The following QSOX2 variants were observed in gnomAD, a reference collection of about 807,000 sequenced individuals.
QSOX2 encodes quiescin sulfhydryl oxidase 2.
Under a neutral mutation model 61.7 loss-of-function variants are expected in QSOX2, and 46 were observed. That is an observed-to-expected ratio of 0.75 (90% CI 0.59 to 0.95). QSOX2 has a LOEUF of 0.95. Ranked by LOEUF, QSOX2 falls within the 40% of genes least tolerant of loss-of-function variation. The pLI is 0.00. For missense variants in QSOX2, 879 were observed against 918.9 expected (o/e 0.96, Z 0.56); for synonymous variants, 383 against 388.4 (o/e 0.99, Z 0.16).
At chr9:136,231,966 C>A (rs891284378) in intron 1 of QSOX2, among the ~76,000 whole-genome samples, 2 of 151,038 alleles carry the variant, frequency 1.3e-5, no homozygotes, top group Non-Finnish European at 2.9e-5. Context: ...GCTCTCCCAG[C>A]GAAGAGAAAC....
chr9:136,224,551 G>A (rs923958179), intron 3 of QSOX2, among the ~76,000 whole-genome samples: 19 of 152,234 alleles, frequency 1.2e-4, no homozygotes, highest in African/African-American at 4.3e-4. Context: ...GCTCGGCTGG[G>A]TGGGATCATT....
Position 136,209,578 on chromosome 9 carries a change from A to G in QSOX2, c.1550-303T>C. ...TCCCAGACCACACCTGTCCCAAACC[A>G]CCCAGCACTCCACTTCCAAAACGGA... On this transcript the variant is annotated intron_variant, in intron 11 of 11. Transcript: ENST00000358701. This position sits in a 1 kb window ranked among gnomAD's most constrained non-coding sequence, Gnocchi z 5.6. The G allele has an allele frequency of 7.1e-6, 7 of 985,070 alleles. No individual in the cohort carries two copies. The highest frequency in any genetic ancestry group is 8.4e-6 in the Non-Finnish European group (7 of 829,828). The allele number at this position is 985,070 out of a possible 1,614,324, so 61.0% of individuals were successfully genotyped here.
At chr9:136,245,375 G>A (rs1830463524) in intron 1 of QSOX2, 101 bp downstream of exon 1, 1 of 979,946 alleles carries the variant, frequency 1.0e-6, no homozygotes, top group African/African-American at 1.7e-5. Context: ...AAGAAATACG[G>A]GGGAGGGGCC....
At chr9:136,242,217 G>C (rs1409148180) in intron 1 of QSOX2, among the ~76,000 whole-genome samples, 3 of 152,246 alleles carry the variant, frequency 2.0e-5, no homozygotes, top group African/African-American at 4.8e-5. Flanking sequence ...TATTTTCCCA[G>C]CCTTGAAAAA....
intron 1 of QSOX2, among the ~76,000 whole-genome samples, chr9:136,232,903 G>C (rs1830343739): frequency 7.9e-6 from 1 of 126,766 alleles, no homozygotes; most frequent in Admixed American, 9.0e-5. Context: ...CCTGGGTAGA[G>C]TGAGAACCTG....
Position 136,207,395 on chromosome 9 carries a change from ACAC to A in QSOX2, c.*1330_*1332del. The A allele has an allele frequency of 6.6e-6, 1 of 152,006 alleles. No individual in the cohort carries two copies. Among genetic ancestry groups the A allele is most frequent in the Non-Finnish European group, 1.5e-5 (1 of 68,020 alleles). The allele number at this position is 152,006 out of a possible 1,614,324, so 9.4% of individuals were successfully genotyped here. On this transcript the variant is annotated 3_prime_UTR_variant, in exon 12 of 12. Coordinates refer to ENST00000358701, the MANE Select transcript of QSOX2 (RefSeq NM_181701.4). Reference sequence around the variant, plus strand: ...CACACACACACACACACACACACACACACACACGGGCACACAAATACATCTGAG... The same window carrying A: ...CACACACACACACACACACACACACAACACGGGCACACAAATACATCTGAG...
rs144714013 is a variant in QSOX2 at position 136,221,495 on chromosome 9, C to G, written c.821+301G>C. Among the ~76,000 whole-genome samples, 2,125 of 152,356 alleles carry G rather than the reference C, an allele frequency of 0.014. 17 individuals are homozygous for G. Among genetic ancestry groups the G allele is most frequent in the Admixed American group, 0.022 (338 of 15,310 alleles). On this transcript the variant is annotated intron_variant, in intron 6 of 11. Transcript: ENST00000358701. This position sits in a 1 kb window ranked among gnomAD's most constrained non-coding sequence, Gnocchi z 4.5. ...CATCGGCTGCTCCCAAAGCCCCGGCCCAGCAGCCCTCATGCATGTGCTGGT... is the reference window on the plus strand; with the variant it reads ...CATCGGCTGCTCCCAAAGCCCCGGCGCAGCAGCCCTCATGCATGTGCTGGT...
intron 8 of QSOX2, 142 bp downstream of exon 8, chr9:136,218,537 G>A (rs1831940615): frequency 2.0e-6 from 2 of 976,146 alleles, no homozygotes; most frequent in South Asian, 1.7e-5. Context: ...GAATGAGTTG[G>A]GGCGTGGGCC....
At chr9:136,214,011 T>C (rs1831880092) in intron 10 of QSOX2, among the ~76,000 whole-genome samples, 1 of 152,182 alleles carries the variant, frequency 6.6e-6, no homozygotes, top group Admixed American at 6.5e-5. Flanking sequence ...GGTTAGTTTG[T>C]TATGTGGCAA....
rs1196934754 is a variant in QSOX2 at position 136,207,341 on chromosome 9, C to T, written c.*1387G>A. The stretch of plus-strand genomic sequence containing the variant: ...GCAAAGCGGAAAAAATATCTACAAC[C>T]GTCAAAGTCTCTCTCTCTCTCATAC... On this transcript the variant is annotated 3_prime_UTR_variant, in exon 12 of 12. Coordinates refer to ENST00000358701, the MANE Select transcript of QSOX2 (RefSeq NM_181701.4). 7 of 146,178 alleles carry T rather than the reference C, an allele frequency of 4.8e-5. No individual in the cohort carries two copies. The highest frequency in any genetic ancestry group is 9.0e-5 in the Non-Finnish European group (6 of 67,016). 9.1% of individuals were successfully genotyped at this position (146,178 alleles called of 1,614,324 possible).
intron 7 of QSOX2, 41 bp downstream of exon 7, chr9:136,218,989 C>G (rs543636245): frequency 6.2e-7 from 1 of 1,610,024 alleles, no homozygotes; most frequent in Non-Finnish European, 8.5e-7. Flanking sequence ...TCGGTCTACA[C>G]GCACTGTCTC....
chr9:136,233,121 G>T (rs1305647077), intron 1 of QSOX2, among the ~76,000 whole-genome samples: 1 of 152,034 alleles, frequency 6.6e-6, no homozygotes, highest in East Asian at 1.9e-4. Flanking sequence ...GCTGCCGGGT[G>T]TATCAGCAGG....
intron 2 of QSOX2, among the ~76,000 whole-genome samples, chr9:136,226,440 G>C (rs1429701948): frequency 6.6e-6 from 1 of 152,186 alleles, no homozygotes; most frequent in Non-Finnish European, 1.5e-5. Context: ...GCTTCAGGCT[G>C]GGGTGCCAGC....
chr9:136,229,931 C>G (rs1830315404), intron 1 of QSOX2, among the ~76,000 whole-genome samples: 1 of 152,230 alleles, frequency 6.6e-6, no homozygotes, highest in Non-Finnish European at 1.5e-5. Flanking sequence ...CCCGGCACCT[C>G]AGGTGAAGGC....
chr9:136,225,945 A>G (rs1830276263), intron 2 of QSOX2, among the ~76,000 whole-genome samples: 1 of 152,370 alleles, frequency 6.6e-6, no homozygotes, highest in South Asian at 2.1e-4. Context: ...GCAGGCAAGC[A>G]AGTGTGCGAC....
intron 1 of QSOX2, among the ~76,000 whole-genome samples, chr9:136,241,818 G>A (rs1029481579): frequency 1.4e-4 from 21 of 152,238 alleles, no homozygotes; most frequent in African/African-American, 5.1e-4. Flanking sequence ...AGCCTGTTGT[G>A]GGTGGTGGCC....
At chr9:136,220,879 CT>C (rs966191376) in intron 6 of QSOX2, among the ~76,000 whole-genome samples, 7 of 151,818 alleles carry the variant, frequency 4.6e-5, no homozygotes, top group Non-Finnish European at 7.4e-5. Context: ...CCTGGCTAGT[CT>C]TTTTTTTAGT....
At chr9:136,216,524 T>C in intron 9 of QSOX2, 76 bp downstream of exon 9, 1 of 1,579,288 alleles carries the variant, frequency 6.3e-7, no homozygotes, top group South Asian at 1.1e-5. Flanking sequence ...AGCAGGGAGA[T>C]GCACCAGCTA....
chr9:136,226,514 T>A (rs548294705), intron 2 of QSOX2, among the ~76,000 whole-genome samples: 4 of 152,094 alleles, frequency 2.6e-5, no homozygotes, highest in Non-Finnish European at 5.9e-5. Flanking sequence ...TTTTCACGCA[T>A]CCCCTCCATG....
Sources: allele counts gnomAD v4.1 joint callset (sites outside exome capture counted in the v4.1 genomes callset), GRCh38; gene constraint gnomAD v4.1.1; non-coding constraint Gnocchi (gnomAD v3.1); transcripts MANE v1.5; gene names NCBI Gene and HGNC (gene_info 2026-07-23, HGNC 2026-07-21).